FAM47E: variants seen among roughly 807,000 people sequenced by gnomAD.
The protein encoded by FAM47E is protein FAM47E.
FAM47E carries 32 observed loss-of-function variants against 41.6 expected under a neutral mutation model. The observed-to-expected ratio is 0.77, with a 90% CI of 0.58 to 1.03. FAM47E has a LOEUF of 1.03. Among genes scored for constraint, FAM47E ranks in the 50% least tolerant of loss-of-function variants. The probability of loss-of-function intolerance (pLI) is 0.00; values close to 1 mark genes in which losing one functional copy is unlikely to be tolerated. For synonymous variants in FAM47E, 184 were observed against 188.7 expected (o/e 0.98, Z 0.20); for missense variants, 424 against 485.4 (o/e 0.87, Z 1.19).
At chr4:76,222,737 C>T (rs1384379559) in intron 2 of FAM47E, among the ~76,000 whole-genome samples, 2 of 152,220 alleles carry the variant, frequency 1.3e-5, no homozygotes, top group African/African-American at 4.8e-5. Context: ...GTAAATATTA[C>T]TTGCTATATG....
chr4:76,250,766 T>G (rs1733940211), upstream of FAM47E, among the ~76,000 whole-genome samples: 1 of 152,188 alleles, frequency 6.6e-6, no homozygotes, highest in Non-Finnish European at 1.5e-5. Flanking sequence ...CTACATAGCT[T>G]TCTCCATTAA....
At chr4:76,279,816 A>AT (rs1735271865) in intron 6 of FAM47E, 1 of 152,810 alleles carries the variant, frequency 6.5e-6, no homozygotes, top group Admixed American at 6.5e-5. Context: ...AATTGAAATT[A>AT]TGTAAACTTA....
At chr4:76,240,580 T>A (rs1031054900) in intron 2 of FAM47E, among the ~76,000 whole-genome samples, 5 of 152,140 alleles carry the variant, frequency 3.3e-5, no homozygotes, top group African/African-American at 1.2e-4. Context: ...TTTTCTTCAA[T>A]TTTTTTCTTT....
upstream of FAM47E, chr4:76,251,613 A>G: frequency 7.4e-7 from 1 of 1,346,298 alleles, no homozygotes; most frequent in Non-Finnish European, 9.5e-7. Flanking sequence ...TGGACCGCGC[A>G]GCGGGGCGTC....
chr4:76,255,187 T>C (rs1734137885), intron 1 of FAM47E, among the ~76,000 whole-genome samples: 1 of 152,208 alleles, frequency 6.6e-6, no homozygotes, highest in African/African-American at 2.4e-5. Context: ...TAAGCACCTT[T>C]TTCTGGAGCT....
At chr4:76,277,192 G>GT (rs541705773) in intron 5 of FAM47E, among the ~76,000 whole-genome samples, 80 of 152,174 alleles carry the variant, frequency 5.3e-4, no homozygotes, top group Non-Finnish European at 1.0e-3. Flanking sequence ...CAGTTATAAA[G>GT]GCAAGAGCTT....
At chr4:76,233,245 C>T (rs1733522907) in intron 2 of FAM47E, among the ~76,000 whole-genome samples, 1 of 151,642 alleles carries the variant, frequency 6.6e-6, no homozygotes, top group Non-Finnish European at 1.5e-5. Flanking sequence ...GTTTTGCCTT[C>T]TTAATTAAGG....
At chr4:76,256,691 C>T (rs143307851) in intron 2 of FAM47E, among the ~76,000 whole-genome samples, 168 bp downstream of exon 2, 1 of 152,312 alleles carries the variant, frequency 6.6e-6, no homozygotes, top group African/African-American at 2.4e-5. Flanking sequence ...CTTCTGTCCT[C>T]TGTTCCCAGA....
intron 1 of FAM47E, 55 bp from the exon 2 acceptor site, chr4:76,256,122 TA>T: frequency 6.7e-7 from 1 of 1,501,188 alleles, no homozygotes; most frequent in Non-Finnish European, 9.0e-7. Flanking sequence ...GTCCTGTGGT[TA>T]ATATGAACAG....
chr4:76,267,761 A>G (rs543658352), intron 3 of FAM47E: 6 of 152,244 alleles, frequency 3.9e-5, no homozygotes, highest in Middle Eastern at 3.2e-3. Flanking sequence ...TGAAAACATT[A>G]TGCTAATTAA....
upstream of FAM47E, among the ~76,000 whole-genome samples, chr4:76,247,681 T>G (rs1452872950): frequency 6.6e-6 from 1 of 152,168 alleles, no homozygotes; most frequent in Non-Finnish European, 1.5e-5. Flanking sequence ...TTGATTTGCA[T>G]TTCCTTAATG....
chr4:76,239,067 T>A (rs1434352593), intron 2 of FAM47E, among the ~76,000 whole-genome samples: 3 of 152,218 alleles, frequency 2.0e-5, no homozygotes, highest in Non-Finnish European at 4.4e-5. Context: ...TATATCAAAA[T>A]TTCCTTCCTA....
intron 1 of FAM47E, among the ~76,000 whole-genome samples, chr4:76,214,982 G>A (rs1165487839): frequency 6.6e-6 from 1 of 152,236 alleles, no homozygotes; most frequent in Non-Finnish European, 1.5e-5. Context: ...AAAAAGTTCA[G>A]CAAGGCCATT....
At chr4:76,276,039 C>CACAT (rs1735089788) in intron 5 of FAM47E, among the ~76,000 whole-genome samples, 2 of 58,444 alleles carry the variant, frequency 3.4e-5, no homozygotes, top group Admixed American at 2.7e-4. Flanking sequence ...GACAGACAGA[C>CACAT]ACACACACAC....
At chr4:76,244,728 C>T (rs963633358) in intron 2 of FAM47E, among the ~76,000 whole-genome samples, 41 of 151,766 alleles carry the variant, frequency 2.7e-4, no homozygotes, top group African/African-American at 8.9e-4. Flanking sequence ...TTAGTAGAGA[C>T]GGGGTTTCAC....
chr4:76,264,861 G>A (rs1282324246), intron 3 of FAM47E, among the ~76,000 whole-genome samples: 2 of 152,210 alleles, frequency 1.3e-5, no homozygotes, highest in Admixed American at 1.3e-4. Flanking sequence ...CTTCCAAAGT[G>A]TGGAGATTAC....
chr4:76,256,637 A>G, intron 2 of FAM47E, 114 bp downstream of exon 2: 5 of 1,283,744 alleles, frequency 3.9e-6, no homozygotes, highest in Non-Finnish European at 5.2e-6. Context: ...AGGAGTGATG[A>G]ATGTCTCCCC....
chr4:76,271,467 C>A, intron 4 of FAM47E, 101 bp from the exon 5 acceptor site: 16 of 1,392,336 alleles, frequency 1.1e-5, no homozygotes, highest in Non-Finnish European at 1.5e-5. Context: ...CTACCTCTCC[C>A]CAAACTACCT....
chr4:76,217,814 TAATG>T (rs1466126196), intron 2 of FAM47E: 3 of 403,004 alleles, frequency 7.4e-6, no homozygotes, highest in Non-Finnish European at 1.3e-5. Flanking sequence ...CAAGTACACT[TAATG>T]AATGATTGCT....
Sources: allele counts gnomAD v4.1 joint callset (sites outside exome capture counted in the v4.1 genomes callset), GRCh38; gene constraint gnomAD v4.1.1; transcripts MANE v1.5; gene names NCBI Gene and HGNC (gene_info 2026-07-23, HGNC 2026-07-21).